Variants in CD80 observed in about 807,000 individuals in gnomAD.
The protein encoded by CD80 is CD80 molecule, also known as T-lymphocyte activation antigen CD80.
CD80 carries 13 observed loss-of-function variants against 27.1 expected under a neutral mutation model. That is an observed-to-expected ratio of 0.48 (90% CI 0.31 to 0.76). The LOEUF is 0.76. CD80 is among the 30% of genes least tolerant of loss of function. CD80 has a pLI of 0.04. For missense variants in CD80, 277 were observed against 347.9 expected, an observed-to-expected ratio of 0.80 and a Z score of 1.62; for synonymous variants, 125 against 125.5, an observed-to-expected ratio of 1.00 and a Z score of 0.03.
intron 2 of CD80, among the ~76,000 whole-genome samples, chr3:119,546,901 T>A (rs1433300217): frequency 3.3e-5 from 5 of 151,926 alleles, no homozygotes; most frequent in Non-Finnish European, 7.4e-5. Flanking sequence ...GTGGGAAAAA[T>A]CTAAGAATAA....
At chr3:119,544,945 A>G (rs2082191986) in intron 2 of CD80, 78 bp from the exon 3 acceptor site, 5 of 1,199,406 alleles carry the variant, frequency 4.2e-6, no homozygotes, top group Non-Finnish European at 5.9e-6. Flanking sequence ...CAAAGTCGGC[A>G]GTAACAGAAC....
chr3:119,532,498 GA>G lies in CD80; in HGVS notation c.701-2562del, dbSNP rs10575529. Among the ~76,000 whole-genome samples, 253 of 139,216 alleles carry G rather than the reference GA, an allele frequency of 1.8e-3. 1 individual carries two copies. The highest frequency in any genetic ancestry group is 3.9e-3 in the Admixed American group (55 of 13,946). The allele number at this position is 139,216 out of a possible 152,430, so 91.3% of individuals were successfully genotyped here. ...AGAATCTATCTCAGAAAAAGACAAAGAAAAAAAAAAAAAAGAAGTGCCATCT... is the reference window on the plus strand; with the variant it reads ...AGAATCTATCTCAGAAAAAGACAAAGAAAAAAAAAAAAAGAAGTGCCATCT... On this transcript the variant is annotated intron_variant, in intron 4 of 6. Coordinates refer to ENST00000264246, the MANE Select transcript of CD80 (RefSeq NM_005191.4).
At chr3:119,553,151 A>G (rs959556032) in intron 2 of CD80, among the ~76,000 whole-genome samples, 4 of 150,338 alleles carry the variant, frequency 2.7e-5, no homozygotes, top group African/African-American at 9.8e-5. Context: ...TTATTTATTT[A>G]TTTACTGAGG....
In CD80 at chr3:119,532,498, GAAA is replaced by G. The variant is rs10575529; in HGVS notation, c.701-2564_701-2562del. ...AGAATCTATCTCAGAAAAAGACAAA[GAAA>G]AAAAAAAAAAAGAAGTGCCATCTGA... On this transcript the variant is annotated intron_variant, in intron 4 of 6. Transcript: ENST00000264246. Among the ~76,000 whole-genome samples, 61 of 139,284 alleles carry G rather than the reference GAAA, an allele frequency of 4.4e-4. No individual in the cohort carries two copies. In the South Asian group the frequency reaches 5.1e-3, roughly 12 times the overall value. The allele number at this position is 139,284 out of a possible 152,430, so 91.4% of individuals were successfully genotyped here. A position where few individuals can be genotyped will look rare whatever the true frequency, so the allele number is the denominator to read the frequency against.
intron 6 of CD80, among the ~76,000 whole-genome samples, 154 bp from the exon 7 acceptor site, chr3:119,525,903 ATT>A (rs1038321526): frequency 7.1e-6 from 1 of 141,416 alleles, no homozygotes; most frequent in Non-Finnish European, 1.5e-5. Flanking sequence ...ATATATATAT[ATT>A]TTAAATATAA....
rs530783026 is a variant in CD80 at position 119,540,003 on chromosome 3, A to G, written c.419-2585T>C. Among the ~76,000 whole-genome samples the G allele has an allele frequency of 6.6e-5, 10 of 152,358 alleles. No homozygotes were observed. In the South Asian group the frequency reaches 1.9e-3, roughly 28 times the overall value. On this transcript the variant is annotated intron_variant, in intron 3 of 6. Transcript: ENST00000264246. ...ACTAAATAGTCTCACTCTGTTGCCC[A>G]GGCTGGAGTGCAGTGGCACCATCTT...
At chr3:119,550,922 G>A (rs1273904052) in intron 2 of CD80, among the ~76,000 whole-genome samples, 11 of 152,066 alleles carry the variant, frequency 7.2e-5, no homozygotes, top group East Asian at 1.9e-4. Context: ...CTTGAACAGC[G>A]CCATCCTCCC....
intron 4 of CD80, among the ~76,000 whole-genome samples, chr3:119,533,962 A>G (rs2082123024): frequency 6.6e-6 from 1 of 152,178 alleles, no homozygotes; most frequent in Non-Finnish European, 1.5e-5. Context: ...ACACAGTCCA[A>G]TTAATGAGAT....
At chr3:119,554,598 C>T (rs1009564352) in intron 2 of CD80, among the ~76,000 whole-genome samples, 4 of 152,166 alleles carry the variant, frequency 2.6e-5, no homozygotes, top group Admixed American at 2.6e-4. Flanking sequence ...GAGTCCCTTC[C>T]CCTGGGCATC....
At chr3:119,548,454 C>T (rs1022556679) in intron 2 of CD80, among the ~76,000 whole-genome samples, 7 of 152,088 alleles carry the variant, frequency 4.6e-5, no homozygotes, top group Non-Finnish European at 8.8e-5. Flanking sequence ...ATGGGTTAAA[C>T]GATGTGCTCA....
chr3:119,540,997 G>A (rs546561200), intron 3 of CD80, among the ~76,000 whole-genome samples: 212 of 151,784 alleles, frequency 1.4e-3, no homozygotes, highest in African/African-American at 4.6e-3. Context: ...GCAGAGACCC[G>A]AGATCACGCC....
chr3:119,536,335 A>T (rs1002716822), intron 4 of CD80, among the ~76,000 whole-genome samples: 4 of 152,036 alleles, frequency 2.6e-5, no homozygotes, highest in Non-Finnish European at 4.4e-5. Context: ...TTTATTTTTT[A>T]AATTATTTTA....
At chr3:119,558,845 G>A (rs937893608) in intron 1 of CD80, among the ~76,000 whole-genome samples, 2 of 151,718 alleles carry the variant, frequency 1.3e-5, no homozygotes, top group African/African-American at 4.8e-5. Flanking sequence ...TGTCAAAATT[G>A]AGAAATGAAA....
intron 3 of CD80, among the ~76,000 whole-genome samples, chr3:119,540,702 C>A (rs1476150245): frequency 6.6e-6 from 1 of 152,168 alleles, no homozygotes; most frequent in East Asian, 1.9e-4. Flanking sequence ...CTGTGCTCTG[C>A]TTTTCTGGGA....
At position 119,537,217 on chromosome 3, in the gene CD80, T is replaced by C. The variant is rs751908634; in HGVS notation, c.620A>G (p.Asn207Ser). The C allele has an allele frequency of 4.2e-5, 67 of 1,613,982 alleles. No homozygotes were observed. The highest frequency in any genetic ancestry group is 5.3e-5 in the Non-Finnish European group (63 of 1,179,938). Reference protein sequence around the residue: ...LYAVSSKLDFNMTTNHSFMCL... With the variant: ...LYAVSSKLDFSMTTNHSFMCL... ...CATGAAGCTGTGGTTGGTTGTCATA[T>C]TGAAATCCAGTTTGCTGCTAACAGC... is the stretch of plus-strand genomic sequence containing the variant. Residue 207 changes from asparagine to serine, a missense_variant, in exon 4 of 7, where the codon AAT becomes AGT. By Grantham distance (46) the Asn-to-Ser change is conservative. Coordinates refer to ENST00000264246, the MANE Select transcript of CD80 (RefSeq NM_005191.4).
chr3:119,558,387 G>A (rs1278603149), intron 1 of CD80, among the ~76,000 whole-genome samples: 1 of 152,038 alleles, frequency 6.6e-6, no homozygotes, highest in Admixed American at 6.5e-5. Context: ...ATCATAAAGG[G>A]GTATGAGATC....
intron 3 of CD80, 183 bp downstream of exon 3, chr3:119,544,367 A>T (rs1577110786): frequency 1.7e-6 from 1 of 600,662 alleles, no homozygotes; most frequent in East Asian, 2.8e-5. Flanking sequence ...GCACATTAAC[A>T]GATATTTCCA....
chr3:119,544,642 G>C lies in CD80; in HGVS notation c.326C>G (p.Ser109Cys), dbSNP rs944044905. The C allele has an allele frequency of 6.2e-7, 1 of 1,614,010 alleles. No individual in the cohort carries two copies. Among genetic ancestry groups the C allele is most frequent in the Non-Finnish European group, 8.5e-7 (1 of 1,179,954 alleles). The stretch of plus-strand genomic sequence containing the variant: ...AACACACTCGTATGTGCCCTCGTCA[G>C]ATGGGCGCAGAGCCAGGATCACAAT... ...LSIVILALRP[S>C]DEGTYECVVL... is the part of the protein sequence containing the mutation. Residue 109 changes from serine (S) to cysteine (C), a missense_variant, in exon 3 of 7, where the codon TCT becomes TGT. Coordinates refer to ENST00000264246, the MANE Select transcript of CD80 (RefSeq NM_005191.4).
chr3:119,550,677 T>TC (rs1476318681), intron 2 of CD80, among the ~76,000 whole-genome samples: 9 of 152,186 alleles, frequency 5.9e-5, no homozygotes, highest in Admixed American at 2.6e-4. Flanking sequence ...TATTACTGTC[T>TC]CAAACCTGGT....
Sources: gnomAD v4.1 joint callset for allele counts (sites outside exome capture counted in the v4.1 genomes callset) on GRCh38, gnomAD v4.1.1 for gene constraint, MANE v1.5 for transcripts, NCBI Gene and HGNC (gene_info 2026-07-23, HGNC 2026-07-21) for gene names.